PIK3R3: variants seen among roughly 807,000 people sequenced by gnomAD.
PIK3R3 encodes phosphoinositide-3-kinase regulatory subunit 3.
A neutral mutation model predicts 62.9 loss-of-function variants in PIK3R3; 64 were observed. That is an observed-to-expected ratio of 1.02 (90% CI 0.83 to 1.25). PIK3R3 has a LOEUF of 1.25. Ranked by LOEUF, PIK3R3 falls within the 50% of genes most tolerant of loss-of-function variation. PIK3R3 has a pLI of 0.00. For synonymous variants in PIK3R3, 165 were observed against 189.0 expected (o/e 0.87, Z 1.04); for missense variants, 614 against 561.6 (o/e 1.09, Z -0.94).
intron 5 of PIK3R3, 46 bp from the exon 6 acceptor site, chr1:46,062,117 A>G (rs1648557101): frequency 3.9e-6 from 6 of 1,529,516 alleles, no homozygotes; most frequent in Non-Finnish European, 5.3e-6. Context: ...TATCTTTATT[A>G]TTTTCTTCTA....
chr1:46,140,002 CAA>C, the PIK3R3 span, among the ~76,000 whole-genome samples: 4 of 152,014 alleles, frequency 2.6e-5, no homozygotes, highest in Non-Finnish European at 5.9e-5. Context: ...TTTTGAGGGA[CAA>C]GAGGAATGGC....
At chr1:46,131,081 G>A (rs889568746) in intron 1 of PIK3R3, among the ~76,000 whole-genome samples, 1 of 143,818 alleles carries the variant, frequency 7.0e-6, no homozygotes, top group Non-Finnish European at 1.6e-5. Flanking sequence ...CACGTTCACA[G>A]GAAACAGAAA....
chr1:46,068,722 A>C (rs1649229367), intron 3 of PIK3R3, among the ~76,000 whole-genome samples: 1 of 152,222 alleles, frequency 6.6e-6, no homozygotes, highest in South Asian at 2.1e-4. Flanking sequence ...AACAGCAAGA[A>C]GGCCAGTGAT....
chr1:46,104,688 G>A (rs921131669), intron 1 of PIK3R3, among the ~76,000 whole-genome samples: 2 of 152,090 alleles, frequency 1.3e-5, no homozygotes, highest in South Asian at 2.1e-4. Context: ...CAGCACTTTG[G>A]AAGGCTGAGG....
At chr1:46,066,880 C>T (rs1260973934) in intron 4 of PIK3R3, 31 bp downstream of exon 4, 1 of 1,523,598 alleles carries the variant, frequency 6.6e-7, no homozygotes, top group Non-Finnish European at 9.1e-7. Flanking sequence ...ATCACTTGCT[C>T]AATAGCTAGC....
rs539678532 is a variant in PIK3R3, at chr1:46,053,584, A to G, written c.941+2211T>C. On this transcript the variant is annotated intron_variant, in intron 7 of 9. Transcript: ENST00000262741. ...ACCCCCTAGCTCCTTCTACCAGGAC[A>G]TAGGTAGAAGGTGCCATCTATGAAC... Among the ~76,000 whole-genome samples, 13 of 152,266 alleles carry G rather than the reference A, an allele frequency of 8.5e-5. No individual in the cohort carries two copies. The South Asian group carries it at 2.5e-3, about 29-fold the overall frequency.
At chr1:46,092,128 C>A (rs1280716430) in intron 1 of PIK3R3, among the ~76,000 whole-genome samples, 1 of 152,108 alleles carries the variant, frequency 6.6e-6, no homozygotes, top group Non-Finnish European at 1.5e-5. Context: ...GAACTGTACA[C>A]CAAAGAGTAT....
the PIK3R3 span, among the ~76,000 whole-genome samples, chr1:46,144,330 T>A: frequency 6.6e-6 from 1 of 152,166 alleles, no homozygotes; most frequent in African/African-American, 2.4e-5. Flanking sequence ...GTATAGAGCT[T>A]CTTAAGGCCC....
At chr1:46,045,619 T>TG (rs1295593995) in intron 9 of PIK3R3, among the ~76,000 whole-genome samples, 1 of 115,838 alleles carries the variant, frequency 8.6e-6, no homozygotes, top group East Asian at 2.5e-4. Flanking sequence ...ATTAAGTGCT[T>TG]TTTTTTTTTT....
Position 46,096,314 on chromosome 1 carries a change from T to C in PIK3R3, c.107-15564A>G, listed in dbSNP as rs985821796. ...AATCTCCTGGCTCAGCCAGGTAACC[T>C]AGCAGTGTAACTTTGGACAATCTGG... On this transcript the variant is annotated intron_variant, in intron 1 of 9. Coordinates refer to ENST00000262741, the MANE Select transcript of PIK3R3 (RefSeq NM_003629.4). Among the ~76,000 whole-genome samples the C allele has an allele frequency of 3.9e-5, 6 of 152,376 alleles. No individual in the cohort carries two copies. In the South Asian group the frequency reaches 8.3e-4, roughly 21 times the overall value.
the PIK3R3 span, among the ~76,000 whole-genome samples, chr1:46,164,209 T>C: frequency 6.6e-6 from 1 of 152,118 alleles, no homozygotes; most frequent in Non-Finnish European, 1.5e-5. Flanking sequence ...TCCTGCCAAA[T>C]ATGTTATTCT....
At chr1:46,165,227 T>C in the PIK3R3 span, among the ~76,000 whole-genome samples, 2 of 152,042 alleles carry the variant, frequency 1.3e-5, no homozygotes, top group Admixed American at 6.6e-5. Flanking sequence ...ATTGCTGCCA[T>C]TTAGGGAGCA....
chr1:46,075,494 C>A (rs890130785), intron 3 of PIK3R3, among the ~76,000 whole-genome samples: 1 of 152,036 alleles, frequency 6.6e-6, no homozygotes, highest in Non-Finnish European at 1.5e-5. Flanking sequence ...TGGTGGCATG[C>A]GCCTTTGGTC....
At chr1:46,062,765 G>C (rs1343590165) in intron 5 of PIK3R3, among the ~76,000 whole-genome samples, 1 of 152,130 alleles carries the variant, frequency 6.6e-6, no homozygotes, top group South Asian at 2.1e-4. Context: ...TACTAGGCTG[G>C]GGTGTTTGGT....
At chr1:46,101,494 ACT>A (rs1281935966) in intron 1 of PIK3R3, among the ~76,000 whole-genome samples, 1 of 152,132 alleles carries the variant, frequency 6.6e-6, no homozygotes, top group South Asian at 2.1e-4. Flanking sequence ...ACACAGCAAG[ACT>A]CTGTTTCAAA....
chr1:46,126,060 G>A (rs532473562), intron 1 of PIK3R3, among the ~76,000 whole-genome samples: 92 of 152,084 alleles, frequency 6.0e-4, no homozygotes, highest in African/African-American at 2.1e-3. Context: ...GCGCTTTGCC[G>A]CAATCTAGAG....
Position 46,040,670 on chromosome 1 carries a change from G to C in PIK3R3, c.*3003C>G, listed in dbSNP as rs989962553. ...ACCTTAGAAAACAGGAATTGCCCAG[G>C]TGCAATTCTCAGTTTAAGAGAACAC... On this transcript the variant is annotated 3_prime_UTR_variant, in exon 10 of 10. Coordinates refer to ENST00000262741, the MANE Select transcript of PIK3R3 (RefSeq NM_003629.4). 2.3e-4 allele frequency: 50 copies of C among 212,770 alleles called. No homozygotes were observed. Among genetic ancestry groups the C allele is most frequent in the Non-Finnish European group, 1.9e-4 (20 of 105,104 alleles). The allele number at this position is 212,770 out of a possible 1,614,324, so 13.2% of individuals were successfully genotyped here.
rs1571354703 is a variant in PIK3R3 at position 46,050,846 on chromosome 1, C to T, written c.942-4221G>A. Among the ~76,000 whole-genome samples, 4 of 152,278 alleles carry T rather than the reference C, an allele frequency of 2.6e-5. No homozygotes were observed. The South Asian group carries it at 8.3e-4, about 32-fold the overall frequency. ...GATGATTAAACAAAATGTGGTATAACTATACAACAGACTATTATTTGGCCA... is the reference window on the plus strand; with the variant it reads ...GATGATTAAACAAAATGTGGTATAATTATACAACAGACTATTATTTGGCCA... On this transcript the variant is annotated intron_variant, in intron 7 of 9. Coordinates refer to ENST00000262741, the MANE Select transcript of PIK3R3 (RefSeq NM_003629.4).
upstream of PIK3R3, chr1:46,132,665 G>T (rs1210910498): frequency 1.5e-5 from 19 of 1,289,728 alleles, no homozygotes; most frequent in Non-Finnish European, 1.9e-5. Flanking sequence ...TTAACGGCGC[G>T]GAGGGGACAC....
Sources: allele counts gnomAD v4.1 joint callset (sites outside exome capture counted in the v4.1 genomes callset), GRCh38; gene constraint gnomAD v4.1.1; transcripts MANE v1.5; gene names NCBI Gene and HGNC (gene_info 2026-07-23, HGNC 2026-07-21).